The following NCBP1 variants were observed in gnomAD, a reference collection of about 807,000 sequenced individuals.
The protein encoded by NCBP1 is nuclear cap-binding protein subunit 1.
Under a neutral mutation model 111.7 loss-of-function variants are expected in NCBP1, and 16 were observed. The observed-to-expected ratio is 0.14, with a 90% CI of 0.10 to 0.22. The LOEUF (loss-of-function observed/expected upper bound fraction) is 0.22. Among genes scored for constraint, NCBP1 ranks in the 10% least tolerant of loss-of-function variants. NCBP1 has a pLI of 1.00. For missense variants in NCBP1, 607 were observed against 957.5 expected, an observed-to-expected ratio of 0.63 and a Z score of 4.83; for synonymous variants, 304 against 314.3, an observed-to-expected ratio of 0.97 and a Z score of 0.35.
chr9:97,658,778 G>C (rs1827745744), intron 15 of NCBP1, 35 bp downstream of exon 15: 1 of 1,459,918 alleles, frequency 6.8e-7, no homozygotes, highest in African/African-American at 1.4e-5. Context: ...GTCTTTAAAA[G>C]GTACCAGTTC....
Position 97,658,656 on chromosome 9 carries a change from C to G in NCBP1, c.1390C>G (p.Arg464Gly). The change falls in exon 15 of 23, where the codon CGT (arginine) becomes GGT (glycine). Residue 464 changes from arginine to glycine, a missense_variant. Around this residue, in one of 9 missense-constraint regions of NCBP1, gnomAD observed 282 missense variants for 376.5 expected, o/e 0.75. Coordinates refer to ENST00000375147, the MANE Select transcript of NCBP1 (RefSeq NM_002486.5). ...EKCMRLSYHQ[R>G]ILDIVPPTFS... ...GTATTGTAGGTTGTCTTACCATCAG[C>G]GTATATTAGATATTGTTCCTCCTAC... The G allele has an allele frequency of 6.2e-7, 1 of 1,610,946 alleles. No individual in the cohort carries two copies. The highest frequency in any genetic ancestry group is 8.5e-7 in the Non-Finnish European group (1 of 1,177,360).
chr9:97,641,480 A>G, intron 2 of NCBP1, 82 bp from the exon 3 acceptor site: 1 of 1,047,470 alleles, frequency 9.5e-7, no homozygotes, highest in South Asian at 2.7e-5. Flanking sequence ...AAATATGTAT[A>G]TATTTACATT....
At chr9:97,645,015 A>C (rs1414215302) in intron 4 of NCBP1, 102 bp from the exon 5 acceptor site, 2 of 807,428 alleles carry the variant, frequency 2.5e-6, no homozygotes, top group Non-Finnish European at 4.1e-6. Flanking sequence ...CCCTTAGGCT[A>C]TAGTTTTTTA....
At chr9:97,656,857 C>G (rs1463653907) in intron 14 of NCBP1, among the ~76,000 whole-genome samples, 1 of 152,194 alleles carries the variant, frequency 6.6e-6, no homozygotes, top group Non-Finnish European at 1.5e-5. Context: ...CCTTTTAGAT[C>G]AGAAAATTAG....
chr9:97,657,116 G>A (rs562699288), intron 14 of NCBP1, among the ~76,000 whole-genome samples: 5 of 152,214 alleles, frequency 3.3e-5, no homozygotes, highest in Admixed American at 6.5e-5. Flanking sequence ...ACAGGCGCCC[G>A]CCACCACGCC....
At chr9:97,663,107 C>T (rs1335216861) in intron 18 of NCBP1, 60 bp downstream of exon 18, 17 of 1,237,284 alleles carry the variant, frequency 1.4e-5, no homozygotes, top group Non-Finnish European at 1.6e-5. Flanking sequence ...AAAATAAGGC[C>T]GTTAATTGCC....
intron 3 of NCBP1, 88 bp from the exon 4 acceptor site, chr9:97,643,116 A>T: frequency 7.5e-7 from 1 of 1,327,420 alleles, no homozygotes; most frequent in Non-Finnish European, 1.0e-6. Context: ...TTCCAAAGTT[A>T]ATGGAATGAT....
chr9:97,634,090 C>T (rs969401579), intron 1 of NCBP1, among the ~76,000 whole-genome samples, 175 bp downstream of exon 1: 1 of 152,246 alleles, frequency 6.6e-6, no homozygotes, highest in Non-Finnish European at 1.5e-5. Flanking sequence ...TAGAAAGCGA[C>T]TTCTCCCCCG....
rs1828120804 is a variant in NCBP1 at position 97,669,701 on chromosome 9, C to T, written c.2254C>T (p.Leu752=). 2 of 1,579,714 alleles carry T rather than the reference C, an allele frequency of 1.3e-6. No homozygotes were observed. The highest frequency in any genetic ancestry group is 1.7e-6 in the Non-Finnish European group (2 of 1,148,816). ...NCIERLQQIF[L]QHHQIIQQYM... ...TATAGAGAGGCTGCAGCAGATCTTC[C>T]TACAGGTATGTGGGGAACTTCGATT... is the stretch of plus-strand genomic sequence containing the variant. Residue 752 remains leucine (L), a synonymous_variant, in exon 22 of 23, where the codon CTA becomes TTA. Transcript: ENST00000375147.
chr9:97,655,258 T>C (rs539362454), intron 12 of NCBP1, among the ~76,000 whole-genome samples: 174 of 152,350 alleles, frequency 1.1e-3, no homozygotes, highest in Middle Eastern at 3.4e-3. Context: ...TCACCCAGGC[T>C]GGAGTGCAGT....
At chr9:97,655,819 A>C (rs1215404168) in intron 13 of NCBP1, 55 bp downstream of exon 13, 1 of 1,493,834 alleles carries the variant, frequency 6.7e-7, no homozygotes, top group Non-Finnish European at 9.2e-7. Context: ...CTAATGTTTA[A>C]AACTGTAACA....
At chr9:97,640,697 G>A (rs1286770294) in intron 1 of NCBP1, 97 bp from the exon 2 acceptor site, 8 of 913,928 alleles carry the variant, frequency 8.8e-6, no homozygotes, top group Non-Finnish European at 1.2e-5. Context: ...AAAAACATAG[G>A]GCCTGGTAGA....
intron 1 of NCBP1, among the ~76,000 whole-genome samples, chr9:97,635,414 CTTT>C (rs5899316): frequency 8.5e-5 from 12 of 141,952 alleles, no homozygotes; most frequent in Non-Finnish European, 1.7e-4. Flanking sequence ...AATTCCCTCC[CTTT>C]TTTTTTTTTT....
At chr9:97,643,463 T>C (rs1827254298) in intron 4 of NCBP1, 103 bp downstream of exon 4, 2 of 1,231,082 alleles carry the variant, frequency 1.6e-6, no homozygotes, top group Non-Finnish European at 2.2e-6. Flanking sequence ...AACATTCTCA[T>C]TCACTTTCAT....
chr9:97,671,052 C>G (rs377744952), intron 22 of NCBP1, 34 bp from the exon 23 acceptor site: 3 of 1,420,610 alleles, frequency 2.1e-6, no homozygotes, highest in Non-Finnish European at 3.0e-6. Flanking sequence ...TATGCTTTTT[C>G]CTGACCTAAC....
intron 17 of NCBP1, 105 bp downstream of exon 17, chr9:97,662,249 T>A: frequency 7.4e-6 from 6 of 811,270 alleles, no homozygotes; most frequent in Non-Finnish European, 1.2e-5. Context: ...AAGATCTTAA[T>A]AGTGTATAAT....
At position 97,653,836 on chromosome 9, in the gene NCBP1, T is replaced by G; in HGVS notation, c.1098T>G (p.Pro366=). The part of the protein sequence containing the change: ...FAELFQLPAP[P]HIDVMYTTLL... ...AGCTGTTTCAACTTCCAGCACCCCC[T>G]CACATTGATGTGATGTACACAACAC... Residue 366 remains proline, a synonymous_variant, in exon 11 of 23, where the codon CCT becomes CCG. Coordinates refer to ENST00000375147, the MANE Select transcript of NCBP1 (RefSeq NM_002486.5). The G allele has an allele frequency of 6.2e-7, 1 of 1,614,086 alleles. No individual in the cohort carries two copies. The highest frequency in any genetic ancestry group is 8.5e-7 in the Non-Finnish European group (1 of 1,179,980).
rs553538857 is a variant in NCBP1, at chr9:97,645,421, C to G, written c.490-190C>G. 1.1e-4 allele frequency among the ~76,000 whole-genome samples: 17 copies of G among 152,138 alleles called. No individual in the cohort carries two copies. In the South Asian group the frequency reaches 3.5e-3, roughly 32 times the overall value. ...GCACACTGGTGGGTTCTCATAATATCTGTATGTTGATTTAAATGATGCTGT... is the reference window on the plus strand; with the variant it reads ...GCACACTGGTGGGTTCTCATAATATGTGTATGTTGATTTAAATGATGCTGT... On this transcript the variant is annotated intron_variant, in intron 5 of 22. Transcript: ENST00000375147.
rs770495193 is a variant in NCBP1, at chr9:97,645,597, TA to T, written c.490-9del. 6.2e-7 allele frequency: 1 copy of T among 1,608,806 alleles called. No homozygotes were observed. The highest frequency in any genetic ancestry group is 1.1e-5 in the South Asian group (1 of 90,134). On this transcript the variant is annotated splice_polypyrimidine_tract_variant and intron_variant, in intron 5 of 22. Coordinates refer to ENST00000375147, the MANE Select transcript of NCBP1 (RefSeq NM_002486.5). Reference sequence around the variant, plus strand: ...AAAGCATATTTTAAACTTAACTTTTTAAAAATCCTTTAGGTGCGACGAGATT... The same window carrying T: ...AAAGCATATTTTAAACTTAACTTTTTAAAATCCTTTAGGTGCGACGAGATT...
Sources: allele counts gnomAD v4.1 joint callset (sites outside exome capture counted in the v4.1 genomes callset), GRCh38; gene constraint gnomAD v4.1.1; regional missense constraint gnomAD v4.1.1; transcripts MANE v1.5; gene names NCBI Gene and HGNC (gene_info 2026-07-23, HGNC 2026-07-21).